The following VPS13D variants were observed in gnomAD, a reference collection of about 807,000 sequenced individuals.
VPS13D encodes intermembrane lipid transfer protein VPS13D.
A neutral mutation model predicts 461.9 loss-of-function variants in VPS13D; 187 were observed. The observed-to-expected ratio is 0.40, with a 90% confidence interval of 0.36 to 0.46. VPS13D has a LOEUF of 0.46. Among genes scored for constraint, VPS13D ranks in the 20% least tolerant of loss-of-function variants. The pLI, the probability that VPS13D is intolerant of heterozygous loss-of-function variation, is 0.60. For missense variants in VPS13D, 4,711 were observed against 5,364.9 expected (o/e 0.88, Z 3.81); for synonymous variants, 1,951 against 1,986.3 (o/e 0.98, Z 0.47).
At chr1:12,368,689 G>C in intron 53 of VPS13D, 98 bp downstream of exon 53, 2 of 1,371,682 alleles carry the variant, frequency 1.5e-6, no homozygotes, top group Non-Finnish European at 1.9e-6. Context: ...TTTTCAACTT[G>C]GGTTTAAAGG....
Position 12,483,487 on chromosome 1 carries a change from G to T in VPS13D, c.12663-14013G>T, listed in dbSNP as rs72869512. On this transcript the variant is annotated intron_variant, in intron 67 of 69. Coordinates refer to ENST00000620676, the MANE Select transcript of VPS13D (RefSeq NM_015378.4). ...TCAGAATTTGTCTTTTTAGTGTGTGGTTTTTTTTTAATTCTTATCTAGTGT... is the reference window on the plus strand; with the variant it reads ...TCAGAATTTGTCTTTTTAGTGTGTGTTTTTTTTTTAATTCTTATCTAGTGT... Among the ~76,000 whole-genome samples, 464 of 150,798 alleles carry T rather than the reference G, an allele frequency of 3.1e-3. 2 individuals carry two copies. The highest frequency in any genetic ancestry group is 0.01 in the African/African-American group (427 of 41,008).
At chr1:12,268,464 G>A (rs752663921) in intron 15 of VPS13D, among the ~76,000 whole-genome samples, 8 of 151,794 alleles carry the variant, frequency 5.3e-5, no homozygotes, top group Non-Finnish European at 1.2e-4. Flanking sequence ...AACCTTGCAG[G>A]GTCTTCAGGT....
intron 61 of VPS13D, among the ~76,000 whole-genome samples, chr1:12,400,554 C>T (rs1644561255): frequency 6.6e-6 from 1 of 152,088 alleles, no homozygotes; most frequent in South Asian, 2.1e-4. Flanking sequence ...GTACTGAGTC[C>T]ATATAGGCCA....
rs144648066 is a variant in VPS13D at position 12,390,710 on chromosome 1, G to A, written c.11634+4376G>A. On this transcript the variant is annotated intron_variant, in intron 60 of 69. Transcript: ENST00000620676. ...ACCCAGAAGAATGGTGCCATATCGA[G>A]GGCTCAGTGTTGGTCTCTGCTGCTG... Among the ~76,000 whole-genome samples, 524 of 152,306 alleles carry A rather than the reference G, an allele frequency of 3.4e-3. 6 individuals are homozygous for A. The highest frequency in any genetic ancestry group is 7.7e-3 in the East Asian group (40 of 5,176).
chr1:12,248,799 C>T (rs1449763813), intron 5 of VPS13D, among the ~76,000 whole-genome samples: 2 of 152,164 alleles, frequency 1.3e-5, no homozygotes, highest in Non-Finnish European at 2.9e-5. Context: ...ATGAAGATAT[C>T]AACAGAGCAA....
chr1:12,331,264 C>T lies in VPS13D; in HGVS notation c.8287+1346C>T, dbSNP rs1643325090. On this transcript the variant is annotated intron_variant, in intron 37 of 69. Coordinates refer to ENST00000620676, the MANE Select transcript of VPS13D (RefSeq NM_015378.4). ...AGTGCTGGGCAGTCCAAGGTGTAAA[C>T]CTCCGACGGCCTGCTCCCTTTAATT... is the stretch of plus-strand genomic sequence containing the variant. 1.3e-5 allele frequency among the ~76,000 whole-genome samples: 2 copies of T among 152,070 alleles called. 1 individual carries two copies. The highest frequency in any genetic ancestry group is 1.3e-4 in the Admixed American group (2 of 15,278).
chr1:12,463,015 C>G (rs1460187150), intron 67 of VPS13D, among the ~76,000 whole-genome samples: 2 of 151,876 alleles, frequency 1.3e-5, no homozygotes, highest in African/African-American at 4.8e-5. Flanking sequence ...ATTGGGTAGC[C>G]TAATTGAAGT....
At chr1:12,468,351 A>G (rs745349268) in intron 67 of VPS13D, among the ~76,000 whole-genome samples, 1 of 152,228 alleles carries the variant, frequency 6.6e-6, no homozygotes, top group Non-Finnish European at 1.5e-5. Flanking sequence ...TGACTATCCC[A>G]TGCCTCATGT....
chr1:12,435,658 G>A (rs1438623733), intron 65 of VPS13D, among the ~76,000 whole-genome samples: 2 of 151,726 alleles, frequency 1.3e-5, no homozygotes, highest in African/African-American at 2.4e-5. Flanking sequence ...GCTAAGAACC[G>A]AGATTCTCTG....
At chr1:12,265,658 A>G (rs1418838673) in intron 13 of VPS13D, among the ~76,000 whole-genome samples, 2 of 152,218 alleles carry the variant, frequency 1.3e-5, no homozygotes, top group Admixed American at 1.3e-4. Flanking sequence ...TGAGGGATTC[A>G]AGACTTAAGT....
At chr1:12,371,015 A>G (rs1269378585) in intron 54 of VPS13D, among the ~76,000 whole-genome samples, 1 of 152,242 alleles carries the variant, frequency 6.6e-6, no homozygotes, top group Non-Finnish European at 1.5e-5. Context: ...CATTCTTGGA[A>G]GGAATAAATG....
chr1:12,478,907 C>G (rs990195640), intron 67 of VPS13D: 3 of 455,252 alleles, frequency 6.6e-6, no homozygotes, highest in African/African-American at 6.0e-5. Flanking sequence ...GTGCTCTTGT[C>G]AAGCTTGGGA....
At chr1:12,358,032 A>G (rs1643902083) in intron 49 of VPS13D, among the ~76,000 whole-genome samples, 1 of 151,790 alleles carries the variant, frequency 6.6e-6, no homozygotes, top group Admixed American at 6.6e-5. Context: ...ATCAGCCCTT[A>G]GAAGTAATGC....
chr1:12,345,335 G>A (rs1337344071), intron 42 of VPS13D, 39 bp from the exon 43 acceptor site: 1 of 1,584,646 alleles, frequency 6.3e-7, no homozygotes, highest in Non-Finnish European at 8.6e-7. Context: ...CCCTTCTGGA[G>A]ATTGTGCCTA....
intron 67 of VPS13D, among the ~76,000 whole-genome samples, chr1:12,465,794 T>C (rs940723799): frequency 2.0e-5 from 3 of 152,134 alleles, no homozygotes; most frequent in Non-Finnish European, 4.4e-5. Flanking sequence ...CTAAGACTCT[T>C]TTGGGTCACC....
intron 65 of VPS13D, among the ~76,000 whole-genome samples, chr1:12,436,132 C>T (rs1645057346): frequency 6.6e-6 from 1 of 152,254 alleles, no homozygotes; most frequent in Non-Finnish European, 1.5e-5. Flanking sequence ...AAAGCCCTCT[C>T]CCCTTGGGGT....
At chr1:12,326,188 A>C (rs1211792582) in intron 35 of VPS13D, among the ~76,000 whole-genome samples, 3 of 148,774 alleles carry the variant, frequency 2.0e-5, no homozygotes, top group African/African-American at 7.5e-5. Context: ...GTTTTGTTTT[A>C]CCCAGTCATT....
intron 20 of VPS13D, among the ~76,000 whole-genome samples, chr1:12,282,458 A>G (rs1237207047): frequency 6.6e-6 from 1 of 152,214 alleles, no homozygotes; most frequent in Non-Finnish European, 1.5e-5. Context: ...TGATTCAGGC[A>G]TAATCCGCAG....
At chr1:12,470,009 C>T (rs1220517877) in intron 67 of VPS13D, among the ~76,000 whole-genome samples, 1 of 152,214 alleles carries the variant, frequency 6.6e-6, no homozygotes, top group African/African-American at 2.4e-5. Flanking sequence ...GATAAACCCA[C>T]AGTATTTGGA....
Sources: allele counts gnomAD v4.1 joint callset (sites outside exome capture counted in the v4.1 genomes callset), GRCh38; gene constraint gnomAD v4.1.1; transcripts MANE v1.5; gene names NCBI Gene and HGNC (gene_info 2026-07-23, HGNC 2026-07-21).